The following PTPN13 variants were observed in gnomAD, a reference collection of about 807,000 sequenced individuals.
PTPN13 encodes the protein tyrosine-protein phosphatase non-receptor type 13.
In PTPN13, 191 loss-of-function variants were observed where a neutral mutation model predicts 284.0. The ratio of observed to expected loss-of-function variants is 0.67; its 90% CI spans 0.60 to 0.76. The LOEUF (loss-of-function observed/expected upper bound fraction) is 0.76, where lower values mean the gene tolerates loss of function less well. PTPN13 is among the 30% of genes least tolerant of loss of function. PTPN13 has a pLI of 0.00. For missense variants in PTPN13, 2,797 were observed against 2,939.9 expected (o/e 0.95, Z 1.12); for synonymous variants, 986 against 1,022.3 (o/e 0.96, Z 0.68).
At chr4:86,703,526 G>C (rs998994070) in intron 7 of PTPN13, among the ~76,000 whole-genome samples, 1 of 144,358 alleles carries the variant, frequency 6.9e-6, no homozygotes, top group African/African-American at 2.6e-5. Context: ...ATCTATATGA[G>C]TATTTAAAAG....
rs11937815 is a variant in PTPN13, at chr4:86,662,764, A to T, written c.116-9601A>T. Among the ~76,000 whole-genome samples, 892 of 152,346 alleles carry T rather than the reference A, an allele frequency of 5.9e-3. 7 individuals carry two copies. The highest frequency in any genetic ancestry group is 0.019 in the African/African-American group (796 of 41,586). On this transcript the variant is annotated intron_variant, in intron 2 of 47. Transcript: ENST00000411767. Reference sequence around the variant, plus strand: ...TCAGGAAAATAAAAAATTGATATTAATTCCATGACCTTGAGGTACTGGTTA... The same window carrying T: ...TCAGGAAAATAAAAAATTGATATTATTTCCATGACCTTGAGGTACTGGTTA...
intron 1 of PTPN13, among the ~76,000 whole-genome samples, chr4:86,629,783 G>C (rs1296405287): frequency 6.7e-6 from 1 of 149,482 alleles, no homozygotes. Context: ...TTTTTTAATG[G>C]GGTCTTGCTC....
chr4:86,716,591 A>G lies in PTPN13; in HGVS notation c.1257A>G (p.Pro419=), dbSNP rs756274627. ...TCTTTAGTACCTCCAGTGAAAGTCC[A>G]TCTATTATTTCCTCTGAATCAGATT... ...GDVFSTSSES[P]SIISSESDFR... Residue 419 remains proline, a synonymous_variant, in exon 8 of 48, where the codon CCA becomes CCG. Coordinates refer to ENST00000411767, the MANE Select transcript of PTPN13 (RefSeq NM_080683.3). The G allele has an allele frequency of 3.8e-6, 6 of 1,598,822 alleles. No homozygotes were observed. In the South Asian group the frequency reaches 4.5e-5, roughly 12 times the overall value.
intron 46 of PTPN13, among the ~76,000 whole-genome samples, chr4:86,810,467 TAA>T (rs572536506): frequency 4.3e-4 from 64 of 150,502 alleles, no homozygotes; most frequent in Admixed American, 1.0e-3. Flanking sequence ...AAAATTACTA[TAA>T]GAGTATAATC....
chr4:86,700,478 A>G (rs1287337981), intron 6 of PTPN13, among the ~76,000 whole-genome samples: 1 of 152,156 alleles, frequency 6.6e-6, no homozygotes, highest in Non-Finnish European at 1.5e-5. Context: ...GCCTTTTAAA[A>G]AAAAGTAAAA....
intron 16 of PTPN13, among the ~76,000 whole-genome samples, chr4:86,742,514 T>C (rs1661349933): frequency 6.6e-6 from 1 of 152,208 alleles, no homozygotes; most frequent in Admixed American, 6.5e-5. Context: ...ATACCTTTAG[T>C]TCATCTTTAG....
intron 6 of PTPN13, among the ~76,000 whole-genome samples, chr4:86,699,246 C>T (rs546449638): frequency 5.3e-5 from 8 of 152,014 alleles, no homozygotes; most frequent in South Asian, 2.1e-4. Flanking sequence ...ACAAAATTAG[C>T]GTGGTGGTGG....
intron 40 of PTPN13, among the ~76,000 whole-genome samples, chr4:86,786,501 G>A (rs1741934784): frequency 1.3e-5 from 2 of 152,028 alleles, no homozygotes; most frequent in Admixed American, 6.6e-5. Flanking sequence ...CAAATAATGT[G>A]TATATATACA....
intron 1 of PTPN13, among the ~76,000 whole-genome samples, chr4:86,628,501 T>TC (rs1554295021): frequency 1.1e-5 from 1 of 94,736 alleles, no homozygotes; most frequent in African/African-American, 4.9e-5. Context: ...TTTTTTTTTT[T>TC]AATTTTTTTT....
chr4:86,764,110 C>T (rs1005416070), intron 24 of PTPN13, among the ~76,000 whole-genome samples: 1 of 152,058 alleles, frequency 6.6e-6, no homozygotes, highest in Non-Finnish European at 1.5e-5. Flanking sequence ...GTAATGTAAA[C>T]ATGAAATCCC....
chr4:86,795,354 G>T (rs967898101), intron 40 of PTPN13, among the ~76,000 whole-genome samples: 1 of 152,068 alleles, frequency 6.6e-6, no homozygotes, highest in Non-Finnish European at 1.5e-5. Flanking sequence ...ATCTCATGCC[G>T]GTTAGAATGG....
chr4:86,646,117 C>T (rs191035752), intron 2 of PTPN13, among the ~76,000 whole-genome samples: 95 of 151,388 alleles, frequency 6.3e-4, no homozygotes, highest in East Asian at 1.9e-3. Flanking sequence ...AAAAATGAGA[C>T]GGTAGTTGTG....
intron 42 of PTPN13, among the ~76,000 whole-genome samples, chr4:86,803,170 CACAT>C (rs974383851): frequency 4.7e-5 from 7 of 150,320 alleles, no homozygotes; most frequent in African/African-American, 7.4e-5. Flanking sequence ...TTTATATATA[CACAT>C]ACATACATAT....
At chr4:86,671,715 A>G (rs1205713555) in intron 2 of PTPN13, among the ~76,000 whole-genome samples, 1 of 152,230 alleles carries the variant, frequency 6.6e-6, no homozygotes, top group African/African-American at 2.4e-5. Context: ...ATAATGAACA[A>G]ATGTAAATAA....
Position 86,758,671 on chromosome 4 carries a change from T to G in PTPN13, c.3314-7T>G, listed in dbSNP as rs724159900. On this transcript the variant is annotated splice_polypyrimidine_tract_variant and splice_region_variant and intron_variant, in intron 21 of 47. Coordinates refer to ENST00000411767, the MANE Select transcript of PTPN13 (RefSeq NM_080683.3). The stretch of plus-strand genomic sequence containing the variant: ...TGAAAATCTTTTTAAAATGTGTTAT[T>G]TTACAGGATTTCAAATTATTGGTGG... The G allele has an allele frequency of 2.1e-5, 34 of 1,605,408 alleles. No individual in the cohort carries two copies. The highest frequency in any genetic ancestry group is 2.8e-5 in the Non-Finnish European group (33 of 1,172,702).
intron 41 of PTPN13, among the ~76,000 whole-genome samples, chr4:86,797,428 G>A (rs1308713091): frequency 1.3e-5 from 2 of 151,892 alleles, no homozygotes; most frequent in Non-Finnish European, 2.9e-5. Context: ...GGAGGTGGAT[G>A]TTACAGTGAG....
chr4:86,606,019 G>A (rs895536719), intron 1 of PTPN13, among the ~76,000 whole-genome samples: 1 of 151,846 alleles, frequency 6.6e-6, no homozygotes, highest in Non-Finnish European at 1.5e-5. Flanking sequence ...AAAATATGGG[G>A]CTTGTAGTAA....
Position 86,701,633 on chromosome 4 carries a change from A to G in PTPN13, c.1027A>G (p.Arg343Gly), listed in dbSNP as rs1731175187. The G allele has an allele frequency of 6.2e-7, 1 of 1,613,972 alleles. No individual in the cohort carries two copies. Among genetic ancestry groups the G allele is most frequent in the Non-Finnish European group, 8.5e-7 (1 of 1,179,868 alleles). The change falls in exon 7 of 48, where the codon AGA (arginine) becomes GGA (glycine). Residue 343 changes from arginine (R) to glycine (G), a missense_variant. Physicochemically the swap from Arg to Gly is moderately radical, Grantham distance 125. Transcript: ENST00000411767. ...TSTTPRKKEA[R>G]YSDGSIALDI... ...AACTACTCCTAGAAAAAAGGAGGCAAGATACTCAGATGGAAGTATAGCCTT... is the reference window on the plus strand; with the variant it reads ...AACTACTCCTAGAAAAAAGGAGGCAGGATACTCAGATGGAAGTATAGCCTT...
At chr4:86,672,586 GA>G (rs1727833504) in intron 3 of PTPN13, 43 bp downstream of exon 3, 1 of 1,476,902 alleles carries the variant, frequency 6.8e-7, no homozygotes, top group Non-Finnish European at 9.2e-7. Context: ...TTTGGGTGGG[GA>G]TAGGTCAAAT....
Sources: allele counts gnomAD v4.1 joint callset (sites outside exome capture counted in the v4.1 genomes callset), GRCh38; gene constraint gnomAD v4.1.1; transcripts MANE v1.5; gene names NCBI Gene and HGNC (gene_info 2026-07-23, HGNC 2026-07-21).